PCDHA1: variants seen among roughly 807,000 people sequenced by gnomAD.
The protein encoded by PCDHA1 is protocadherin alpha-1.
Under a neutral mutation model 61.3 loss-of-function variants are expected in PCDHA1, and 42 were observed. That is an observed-to-expected ratio of 0.69 (90% CI 0.54 to 0.89). The LOEUF (loss-of-function observed/expected upper bound fraction) is 0.89, where lower values mean the gene tolerates loss of function less well. PCDHA1 is among the 40% of genes least tolerant of loss of function. The pLI is 0.00. For missense variants in PCDHA1, 1,256 were observed against 1,235.3 expected (o/e 1.02, Z -0.25); for synonymous variants, 610 against 553.8 (o/e 1.10, Z -1.43).
At chr5:141,005,488 G>A (rs138290389) in intron 3 of PCDHA1, among the ~76,000 whole-genome samples, 2,990 of 151,856 alleles carry the variant, frequency 0.02, 115 homozygotes, top group African/African-American at 0.068. Flanking sequence ...CGGATCATGA[G>A]GTCAGGAGAT....
chr5:140,997,785 A>G (rs537383326), intron 3 of PCDHA1, among the ~76,000 whole-genome samples: 2 of 152,218 alleles, frequency 1.3e-5, no homozygotes, highest in Admixed American at 1.3e-4. Flanking sequence ...GTATACCTAT[A>G]TTATAATTTA....
At chr5:140,850,247 G>C (rs2150475537) in intron 1 of PCDHA1, 3 of 1,593,682 alleles carry the variant, frequency 1.9e-6, no homozygotes, top group Middle Eastern at 2.3e-4. Context: ...TGCTGCGGTC[G>C]GTGGGCGCCG....
intron 1 of PCDHA1, chr5:140,858,163 G>A (rs756100804): frequency 1.3e-6 from 2 of 1,597,890 alleles, no homozygotes; most frequent in Non-Finnish European, 1.7e-6. Context: ...TCTGCGCGGT[G>A]TCCAGCTTGC....
At chr5:140,842,736 G>A in intron 1 of PCDHA1, 1 of 1,594,954 alleles carries the variant, frequency 6.3e-7, no homozygotes, top group South Asian at 1.1e-5. Context: ...CCGCCGGGCT[G>A]CCACATCTTC....
intron 1 of PCDHA1, chr5:140,850,000 G>T: frequency 3.1e-6 from 5 of 1,597,068 alleles, no homozygotes; most frequent in Non-Finnish European, 3.4e-6. Context: ...TTGGGCGAGC[G>T]CTCGCTGTCG....
At chr5:140,919,653 C>T (rs917457975) in intron 1 of PCDHA1, among the ~76,000 whole-genome samples, 1 of 152,158 alleles carries the variant, frequency 6.6e-6, no homozygotes, top group South Asian at 2.1e-4. Context: ...CTAGAGTTTA[C>T]CATATATATT....
rs782548155 is a variant in PCDHA1, at chr5:140,786,813, A to G, written c.523A>G (p.Ser175Gly). ...NALLTYTLSP[S>G]DYFSLDVEAS... Reference sequence around the variant, plus strand: ...TCTTCTAACGTACACGCTCAGCCCGAGTGATTATTTCTCTTTGGATGTAGA... The same window carrying G: ...TCTTCTAACGTACACGCTCAGCCCGGGTGATTATTTCTCTTTGGATGTAGA... Residue 175 changes from serine to glycine, a missense_variant, in exon 1 of 4, where the codon AGT becomes GGT. Ser to Gly is a moderately conservative substitution (Grantham distance 56). Coordinates refer to ENST00000504120, the MANE Select transcript of PCDHA1 (RefSeq NM_018900.4). The G allele has an allele frequency of 6.2e-7, 1 of 1,614,162 alleles. No individual in the cohort carries two copies. Among genetic ancestry groups the G allele is most frequent in the Admixed American group, 1.7e-5 (1 of 60,020 alleles).
At chr5:140,835,658 T>G (rs2150240988) in intron 1 of PCDHA1, 43 of 1,613,884 alleles carry the variant, frequency 2.7e-5, no homozygotes, top group African/African-American at 2.3e-4. Context: ...AGCTGGTGGT[T>G]ACCGCGCGGG....
intron 1 of PCDHA1, chr5:140,836,080 T>G: frequency 6.2e-7 from 1 of 1,613,702 alleles, no homozygotes; most frequent in South Asian, 1.1e-5. Flanking sequence ...CCGGCACTGC[T>G]GGCGCCTCGG....
chr5:140,806,669 A>C (rs56325962), intron 1 of PCDHA1, among the ~76,000 whole-genome samples: 8,181 of 152,124 alleles, frequency 0.054, 721 homozygotes, highest in African/African-American at 0.19. Context: ...ATAAAAAAAA[A>C]CCCTGGAATT....
intron 1 of PCDHA1, chr5:140,969,257 AATC>A (rs782398697): frequency 1.2e-6 from 2 of 1,614,102 alleles, no homozygotes; most frequent in African/African-American, 2.7e-5. Context: ...TGACAGCAGG[AATC>A]TCACAGGCCA....
intron 1 of PCDHA1, 78 bp downstream of exon 1, chr5:140,788,762 TA>T (rs782191918): frequency 4.8e-6 from 7 of 1,461,952 alleles, no homozygotes; most frequent in Admixed American, 5.4e-5. Flanking sequence ...AATATCACTT[TA>T]AAAAATGTCT....
chr5:140,952,767 A>T (rs912245909), intron 1 of PCDHA1, among the ~76,000 whole-genome samples: 13 of 152,298 alleles, frequency 8.5e-5, no homozygotes, highest in African/African-American at 2.9e-4. Flanking sequence ...GAGACTGGAT[A>T]ATTTAGAAAG....
intron 1 of PCDHA1, among the ~76,000 whole-genome samples, chr5:140,913,266 T>C (rs1458769816): frequency 1.3e-5 from 2 of 152,176 alleles, no homozygotes; most frequent in Non-Finnish European, 2.9e-5. Flanking sequence ...TCTAATTACT[T>C]GTTATTGGTC....
intron 1 of PCDHA1, chr5:140,926,863 G>A: frequency 1.3e-6 from 2 of 1,523,054 alleles, no homozygotes; most frequent in Non-Finnish European, 8.8e-7. Flanking sequence ...GGTGTAGCGT[G>A]TTGGTGGAAC....
chr5:140,794,745 GT>G (rs1761876802), intron 1 of PCDHA1: 12 of 533,126 alleles, frequency 2.3e-5, no homozygotes, highest in Admixed American at 3.7e-5. Flanking sequence ...AAATCGACTA[GT>G]TTTAAATCTA....
At chr5:140,817,026 G>A (rs2126677043) in intron 1 of PCDHA1, 9 of 152,288 alleles carry the variant, frequency 5.9e-5, no homozygotes, top group African/African-American at 2.2e-4. Context: ...TCATGAGAGA[G>A]AGAGTGCTGA....
chr5:140,825,611 G>C (rs1431448877), intron 1 of PCDHA1: 6 of 151,560 alleles, frequency 4.0e-5, no homozygotes, highest in African/African-American at 1.5e-4. Flanking sequence ...TACTAGAGAC[G>C]GGGTTTCACC....
At chr5:140,985,619 G>A (rs961379624) in intron 3 of PCDHA1, among the ~76,000 whole-genome samples, 1 of 152,064 alleles carries the variant, frequency 6.6e-6, no homozygotes, top group Non-Finnish European at 1.5e-5. Flanking sequence ...TGAACCAGCT[G>A]TGTATTGCTC....
Sources: allele counts gnomAD v4.1 joint callset (sites outside exome capture counted in the v4.1 genomes callset), GRCh38; gene constraint gnomAD v4.1.1; transcripts MANE v1.5; gene names NCBI Gene and HGNC (gene_info 2026-07-23, HGNC 2026-07-21).